The following STKLD1 variants were observed in gnomAD, a reference collection of about 807,000 sequenced individuals.
STKLD1 encodes the protein serine/threonine kinase like domain containing 1.
Under a neutral mutation model 80.4 loss-of-function variants are expected in STKLD1, and 79 were observed. The observed-to-expected ratio is 0.98, with a 90% CI of 0.82 to 1.19. The LOEUF is 1.19. STKLD1 is among the 50% of genes most tolerant of loss of function. The pLI is 0.00. For synonymous variants in STKLD1, 393 were observed against 357.6 expected, an observed-to-expected ratio of 1.10 and a Z score of -1.12; for missense variants, 841 against 856.0, an observed-to-expected ratio of 0.98 and a Z score of 0.22.
At chr9:133,391,186 TG>T (rs1323797646) in intron 7 of STKLD1, among the ~76,000 whole-genome samples, 1 of 145,830 alleles carries the variant, frequency 6.9e-6, no homozygotes, top group Non-Finnish European at 1.5e-5. Context: ...GGGAGGGAGG[TG>T]GGGGGCTCAG....
rs1554777942 is a variant in STKLD1 at position 133,402,897 on chromosome 9, G to C, written c.1359G>C (p.Glu453Asp). ...TTTQESESLS[E>D]ELQNAGLLEH... ...CCACAGAGTCAGAGTCACTGTCAGA[G>C]GAGCTGCAGAATGCTGGGCTGCTGG... The change falls in exon 14 of 18, where the codon GAG becomes GAC. Residue 453 changes from glutamate (E) to aspartate (D), a missense_variant. Physicochemically the swap from Glu to Asp is conservative, Grantham distance 45. Transcript: ENST00000371957. 1.3e-6 allele frequency: 2 copies of C among 1,594,844 alleles called. No individual in the cohort carries two copies. Among genetic ancestry groups the C allele is most frequent in the Non-Finnish European group, 8.5e-7 (1 of 1,171,154 alleles).
chr9:133,382,292 C>T (rs2130268108), intron 2 of STKLD1, among the ~76,000 whole-genome samples: 4 of 152,168 alleles, frequency 2.6e-5, no homozygotes, highest in Non-Finnish European at 5.9e-5. Context: ...GTTCTTGGAG[C>T]GTATATTATG....
At chr9:133,386,243 C>G (rs1297195045) in intron 4 of STKLD1, among the ~76,000 whole-genome samples, 1 of 152,156 alleles carries the variant, frequency 6.6e-6, no homozygotes, top group Non-Finnish European at 1.5e-5. Flanking sequence ...ACCCATTTGA[C>G]AGAAGAAGAA....
At chr9:133,397,382 T>C (rs1005599881) in intron 10 of STKLD1, 88 bp downstream of exon 10, 1 of 1,552,732 alleles carries the variant, frequency 6.4e-7, no homozygotes, top group Non-Finnish European at 8.7e-7. Flanking sequence ...GAGGGTTCAT[T>C]ATTTATGCCC....
chr9:133,383,225 GTGA>G (rs1838182320), intron 2 of STKLD1, among the ~76,000 whole-genome samples: 1 of 150,970 alleles, frequency 6.6e-6, no homozygotes, highest in Non-Finnish European at 1.5e-5. Context: ...GGTGGTGATG[GTGA>G]TGATAGTGAT....
chr9:133,401,666 T>G, intron 12 of STKLD1, 72 bp from the exon 13 acceptor site: 3 of 1,270,194 alleles, frequency 2.4e-6, no homozygotes, highest in Non-Finnish European at 3.2e-6. Flanking sequence ...CCCCAGCCTG[T>G]GAGCCTTGTG....
chr9:133,379,795 C>T (rs2130261712), intron 2 of STKLD1, among the ~76,000 whole-genome samples: 12,429 of 152,236 alleles, frequency 0.082, 629 homozygotes, highest in Middle Eastern at 0.16. Context: ...GCATGCCCTC[C>T]TCTCTGTGGT....
Position 133,403,014 on chromosome 9 carries a change from T to G in STKLD1, c.1474+2T>G. ...TGCTCTGGGCCCTCCTGCTGGACGG[T>G]GAGGGGCCCTCCTCCTGCTGTCCCA... On this transcript the variant is annotated splice_donor_variant, in intron 14 of 17. Coordinates refer to ENST00000371957, the MANE Select transcript of STKLD1 (RefSeq NM_153710.5). LOFTEE classifies it high-confidence loss of function. 1.9e-6 allele frequency: 3 copies of G among 1,562,328 alleles called. No individual in the cohort carries two copies. The highest frequency in any genetic ancestry group is 2.6e-6 in the Non-Finnish European group (3 of 1,153,486).
rs1554774986 is a variant in STKLD1 at position 133,383,775 on chromosome 9, C to T, written c.175-81C>T. ...TGGCTGTGCAGATGATGGTAATGGT[C>T]GTTGTGGTGGTGGTGATGGCGGTGA... On this transcript the variant is annotated intron_variant, in intron 2 of 17. Coordinates refer to ENST00000371957, the MANE Select transcript of STKLD1 (RefSeq NM_153710.5). 979 of 1,341,002 alleles carry T rather than the reference C, an allele frequency of 7.3e-4. 11 individuals carry two copies. The African/African-American group carries it at 0.013, about 18-fold the overall frequency. The allele number at this position is 1,341,002 out of a possible 1,614,324, so 83.1% of individuals were successfully genotyped here.
Position 133,403,060 on chromosome 9 carries a change from C to G in STKLD1, c.1474+48C>G. 2.6e-6 allele frequency: 4 copies of G among 1,522,388 alleles called. No homozygotes were observed. The South Asian group carries it at 3.7e-5, about 14-fold the overall frequency. The allele number at this position is 1,522,388 out of a possible 1,614,324, so 94.3% of individuals were successfully genotyped here. On this transcript the variant is annotated intron_variant, in intron 14 of 17. Transcript: ENST00000371957. The stretch of plus-strand genomic sequence containing the variant: ...TCCCACCGGGGCTGGCAGCCCTCCC[C>G]CAGCCCCTCCCTAACTGCCCCTGAG...
intron 10 of STKLD1, among the ~76,000 whole-genome samples, chr9:133,397,534 T>C (rs1256308216): frequency 6.6e-6 from 1 of 152,192 alleles, no homozygotes; most frequent in Non-Finnish European, 1.5e-5. Flanking sequence ...CTCCATAGCC[T>C]GGCCCCCACC....
Position 133,389,695 on chromosome 9 carries a change from A to C in STKLD1, c.467+99A>C, listed in dbSNP as rs1344830168. On this transcript the variant is annotated intron_variant, in intron 6 of 17. Transcript: ENST00000371957. This position sits in a 1 kb window ranked among gnomAD's most constrained non-coding sequence, Gnocchi z 6.4. ...CAGTGCCCGTGGGCAGGATCTGGGGAGAAAGGTGCACCGGGCCAGTGCAGC... is the reference window on the plus strand; with the variant it reads ...CAGTGCCCGTGGGCAGGATCTGGGGCGAAAGGTGCACCGGGCCAGTGCAGC... The C allele has an allele frequency of 6.4e-7, 1 of 1,554,414 alleles. No individual in the cohort carries two copies. Among genetic ancestry groups the C allele is most frequent in the Non-Finnish European group, 8.7e-7 (1 of 1,146,894 alleles).
rs1220427458 is a variant in STKLD1, at chr9:133,389,324, T to A, written c.397-202T>A. Reference sequence around the variant, plus strand: ...TGTGGAGTCTGGAAACTCAGAGTCCTTCTGGCTGCCGCCGCGGCTTTACCA... The same window carrying A: ...TGTGGAGTCTGGAAACTCAGAGTCCATCTGGCTGCCGCCGCGGCTTTACCA... On this transcript the variant is annotated intron_variant, in intron 5 of 17. Coordinates refer to ENST00000371957, the MANE Select transcript of STKLD1 (RefSeq NM_153710.5). This position sits in a 1 kb window ranked among gnomAD's most constrained non-coding sequence, Gnocchi z 6.4. 3 of 985,174 alleles carry A rather than the reference T, an allele frequency of 3.0e-6. No individual in the cohort carries two copies. In the African/African-American group the frequency reaches 5.2e-5, roughly 17 times the overall value. The allele number at this position is 985,174 out of a possible 1,614,324, so 61.0% of individuals were successfully genotyped here.
At position 133,401,883 on chromosome 9, in the gene STKLD1, G is replaced by C. The variant is rs782332667; in HGVS notation, c.1339+5G>C. ...TAGCCATCACCACAACCCAGGGTGTGTCTGCCAGCCACCTCCTGCCCCACC... is the reference window on the plus strand; with the variant it reads ...TAGCCATCACCACAACCCAGGGTGTCTCTGCCAGCCACCTCCTGCCCCACC... On this transcript the variant is annotated splice_donor_5th_base_variant and intron_variant, in intron 13 of 17. Coordinates refer to ENST00000371957, the MANE Select transcript of STKLD1 (RefSeq NM_153710.5). 3.7e-6 allele frequency: 6 copies of C among 1,612,674 alleles called. No individual in the cohort carries two copies. The highest frequency in any genetic ancestry group is 5.1e-6 in the Non-Finnish European group (6 of 1,179,916).
intron 2 of STKLD1, among the ~76,000 whole-genome samples, chr9:133,380,592 G>A (rs2130263989): frequency 7.9e-5 from 12 of 152,248 alleles, no homozygotes; most frequent in Non-Finnish European, 1.3e-4. Context: ...GGCGGAGGTT[G>A]CAGTGAGTCG....
rs1554777930 is a variant in STKLD1, at chr9:133,402,889, C to T, written c.1351C>T (p.Leu451=). The T allele has an allele frequency of 1.9e-6, 3 of 1,595,816 alleles. No homozygotes were observed. ...AITTTQESES[L]SEELQNAGLL... ...TGGCTCACCCACAGAGTCAGAGTCA[C>T]TGTCAGAGGAGCTGCAGAATGCTGG... The change falls in exon 14 of 18, where the codon CTG becomes TTG. Residue 451 remains leucine, a synonymous_variant. Transcript: ENST00000371957.
intron 9 of STKLD1, among the ~76,000 whole-genome samples, chr9:133,396,798 T>C (rs955315422): frequency 3.9e-5 from 6 of 152,014 alleles, no homozygotes; most frequent in South Asian, 2.1e-4. Flanking sequence ...ACCCAACATA[T>C]AGCAAGGAAT....
Position 133,398,857 on chromosome 9 carries a change from GTT to G in STKLD1, c.1081+804_1081+805del, listed in dbSNP as rs1838626539. 5.9e-5 allele frequency among the ~76,000 whole-genome samples: 9 copies of G among 152,022 alleles called. No individual in the cohort carries two copies. The South Asian group carries it at 1.7e-3, about 28-fold the overall frequency. On this transcript the variant is annotated intron_variant, in intron 11 of 17. Coordinates refer to ENST00000371957, the MANE Select transcript of STKLD1 (RefSeq NM_153710.5). ...AGTTTTTTTTTGTTTTTGTTTGTTTGTTTGTTTGTTTTTGAGACAGGGTCTCG... is the reference window on the plus strand; with the variant it reads ...AGTTTTTTTTTGTTTTTGTTTGTTTGTGTTTGTTTTTGAGACAGGGTCTCG...
intron 13 of STKLD1, 47 bp downstream of exon 13, chr9:133,401,925 C>T: frequency 6.2e-7 from 1 of 1,604,428 alleles, no homozygotes; most frequent in Non-Finnish European, 8.5e-7. Context: ...CCAGGACAGC[C>T]CTTCCCAGGG....
Sources: gnomAD v4.1 joint callset for allele counts (sites outside exome capture counted in the v4.1 genomes callset) on GRCh38, gnomAD v4.1.1 for gene constraint, Gnocchi (gnomAD v3.1) non-coding constraint, MANE v1.5 for transcripts, NCBI Gene and HGNC (gene_info 2026-07-23, HGNC 2026-07-21) for gene names.